The following MALT1 variants were observed in gnomAD, a reference collection of about 807,000 sequenced individuals.
MALT1 encodes MALT1 paracaspase.
Under a neutral mutation model 85.5 loss-of-function variants are expected in MALT1, and 36 were observed. That is an observed-to-expected ratio of 0.42 (90% CI 0.32 to 0.56). The LOEUF (loss-of-function observed/expected upper bound fraction) is 0.56. Among genes scored for constraint, MALT1 ranks in the 20% least tolerant of loss-of-function variants. The probability of loss-of-function intolerance (pLI) is 0.10; values close to 1 mark genes in which losing one functional copy is unlikely to be tolerated. For synonymous variants in MALT1, 359 were observed against 361.3 expected, an observed-to-expected ratio of 0.99 and a Z score of 0.07; for missense variants, 716 against 981.6, an observed-to-expected ratio of 0.73 and a Z score of 3.62.
At chr18:58,673,312 A>G (rs1427961889) in intron 1 of MALT1, among the ~76,000 whole-genome samples, 1 of 152,238 alleles carries the variant, frequency 6.6e-6, no homozygotes, top group Non-Finnish European at 1.5e-5. Context: ...GGACCTTTAC[A>G]ATAACATATT....
rs533455549 is a variant in MALT1 at position 58,672,166 on chromosome 18, A to T, written c.209+314A>T. The stretch of plus-strand genomic sequence containing the variant: ...GTTGACCCCGGAGGATAGTGAGAGA[A>T]GGAAAGCTGTCAGGGGACCCCTAGG... On this transcript the variant is annotated intron_variant, in intron 1 of 16. Coordinates refer to ENST00000649217, the MANE Select transcript of MALT1 (RefSeq NM_006785.4). 9 of 260,312 alleles carry T rather than the reference A, an allele frequency of 3.5e-5. No homozygotes were observed. In the South Asian group the frequency reaches 1.5e-3, roughly 45 times the overall value. The allele number at this position is 260,312 out of a possible 1,614,324, so 16.1% of individuals were successfully genotyped here.
chr18:58,696,337 A>AT (rs574285957), intron 2 of MALT1, 29 bp from the exon 3 acceptor site: 128,480 of 981,828 alleles, frequency 0.13, 1,396 homozygotes, highest in African/African-American at 0.24. Context: ...TGTGACTTTA[A>AT]TTTTTTTTTT....
intron 2 of MALT1, 29 bp from the exon 3 acceptor site, chr18:58,696,337 A>ATT (rs574285957): frequency 0.022 from 21,278 of 981,036 alleles, 36 homozygotes; most frequent in African/African-American, 0.035. Context: ...TGTGACTTTA[A>ATT]TTTTTTTTTT....
At chr18:58,702,048 T>C (rs959093240) in intron 4 of MALT1, among the ~76,000 whole-genome samples, 13 of 152,022 alleles carry the variant, frequency 8.6e-5, no homozygotes, top group Non-Finnish European at 1.8e-4. Context: ...ATTCTTGATA[T>C]CTAGAACACT....
chr18:58,716,811 G>A (rs1024621345), intron 9 of MALT1, among the ~76,000 whole-genome samples: 2 of 152,206 alleles, frequency 1.3e-5, no homozygotes, highest in African/African-American at 4.8e-5. Context: ...TGGAAAGGAA[G>A]TATCTGTTGA....
chr18:58,745,874 T>A, intron 16 of MALT1, 83 bp downstream of exon 16: 1 of 1,244,084 alleles, frequency 8.0e-7, no homozygotes, highest in Non-Finnish European at 1.1e-6. Flanking sequence ...ATAGATATGC[T>A]GCCTTATTAT....
chr18:58,687,399 T>A (rs2144326042), intron 2 of MALT1, among the ~76,000 whole-genome samples: 1 of 152,304 alleles, frequency 6.6e-6, no homozygotes, highest in Admixed American at 6.5e-5. Context: ...AGATTTCAAT[T>A]GACATGTAAG....
chr18:58,700,699 T>C, intron 4 of MALT1, 108 bp downstream of exon 4: 2 of 918,088 alleles, frequency 2.2e-6, no homozygotes, highest in African/African-American at 1.7e-5. Flanking sequence ...CATAGCAAAA[T>C]TTCACATAGG....
chr18:58,746,130 A>T (rs1157625874), intron 16 of MALT1, among the ~76,000 whole-genome samples: 3 of 152,064 alleles, frequency 2.0e-5, no homozygotes, highest in Non-Finnish European at 4.4e-5. Context: ...TGATCCTGCC[A>T]CCTCAGCTTC....
At chr18:58,687,732 G>A (rs922017955) in intron 2 of MALT1, among the ~76,000 whole-genome samples, 1 of 152,212 alleles carries the variant, frequency 6.6e-6, no homozygotes, top group African/African-American at 2.4e-5. Context: ...TCGTGAGAGA[G>A]AATAACTTCA....
At chr18:58,708,405 G>C (rs946902574) in intron 4 of MALT1, among the ~76,000 whole-genome samples, 1 of 152,204 alleles carries the variant, frequency 6.6e-6, no homozygotes, top group African/African-American at 2.4e-5. Flanking sequence ...TGCATTCTGG[G>C]AAACCTTTCT....
At chr18:58,727,624 T>TTTG (rs2055079786) in intron 10 of MALT1, among the ~76,000 whole-genome samples, 1 of 128,062 alleles carries the variant, frequency 7.8e-6, no homozygotes, top group African/African-American at 2.8e-5. Context: ...GTGTTTTTTT[T>TTTG]TTTGTTTTTT....
chr18:58,694,132 C>T (rs751025905), intron 2 of MALT1, among the ~76,000 whole-genome samples: 1 of 152,128 alleles, frequency 6.6e-6, no homozygotes, highest in Non-Finnish European at 1.5e-5. Flanking sequence ...CTAACTTGGC[C>T]TCGACATAAA....
chr18:58,739,242 A>T (rs1402156057), intron 13 of MALT1, among the ~76,000 whole-genome samples: 3 of 152,106 alleles, frequency 2.0e-5, no homozygotes, highest in Non-Finnish European at 2.9e-5. Context: ...TAGAATTTTC[A>T]TATCTATATT....
Position 58,748,412 on chromosome 18 carries a change from C to G in MALT1, c.*570C>G, listed in dbSNP as rs1269877570. ...TATATAAATATATACAGATACATAT[C>G]TGTGTATTATCTCAAGGAATGTACA... is the stretch of plus-strand genomic sequence containing the variant. On this transcript the variant is annotated 3_prime_UTR_variant, in exon 17 of 17. Coordinates refer to ENST00000649217, the MANE Select transcript of MALT1 (RefSeq NM_006785.4). 5.6e-6 allele frequency: 1 copy of G among 179,308 alleles called. No individual in the cohort carries two copies. The highest frequency in any genetic ancestry group is 2.4e-5 in the African/African-American group (1 of 42,364). 11.1% of individuals were successfully genotyped at this position (179,308 alleles called of 1,614,324 possible). A position where few individuals can be genotyped will look rare whatever the true frequency, so the allele number is the denominator to read the frequency against.
At chr18:58,679,563 C>CT (rs1374273069) in intron 1 of MALT1, among the ~76,000 whole-genome samples, 5 of 152,052 alleles carry the variant, frequency 3.3e-5, no homozygotes, top group East Asian at 1.9e-4. Context: ...TTTTTTCTTT[C>CT]TTTTTTTTAA....
chr18:58,747,287 C>A, intron 16 of MALT1, 118 bp from the exon 17 acceptor site: 1 of 663,116 alleles, frequency 1.5e-6, no homozygotes, highest in Non-Finnish European at 2.6e-6. Flanking sequence ...GGATTTGGAA[C>A]CTGGGAAAGG....
chr18:58,700,229 C>G (rs2054652261), intron 3 of MALT1, among the ~76,000 whole-genome samples: 1 of 152,194 alleles, frequency 6.6e-6, no homozygotes, highest in Admixed American at 6.5e-5. Flanking sequence ...GCTTAACTCT[C>G]TGGTTTATGG....
chr18:58,711,315 T>G (rs1167790830), intron 7 of MALT1, among the ~76,000 whole-genome samples: 3 of 152,218 alleles, frequency 2.0e-5, no homozygotes, highest in South Asian at 2.1e-4. Context: ...TGGATATTTG[T>G]TTTAGATTAT....
Sources: gnomAD v4.1 joint callset for allele counts (sites outside exome capture counted in the v4.1 genomes callset) on GRCh38, gnomAD v4.1.1 for gene constraint, MANE v1.5 for transcripts, NCBI Gene and HGNC (gene_info 2026-07-23, HGNC 2026-07-21) for gene names.